PALS2: variants seen among roughly 807,000 people sequenced by gnomAD.
The protein encoded by PALS2 is protein PALS2.
Under a neutral mutation model 61.6 loss-of-function variants are expected in PALS2, and 27 were observed. The observed-to-expected ratio is 0.44, with a 90% CI of 0.32 to 0.60. PALS2 has a LOEUF of 0.60. PALS2 is among the 20% of genes least tolerant of loss of function. The pLI, the probability that PALS2 is intolerant of heterozygous loss-of-function variation, is 0.05. For synonymous variants in PALS2, 236 were observed against 218.6 expected, an observed-to-expected ratio of 1.08 and a Z score of -0.70; for missense variants, 554 against 639.4, an observed-to-expected ratio of 0.87 and a Z score of 1.44.
intron 3 of PALS2, among the ~76,000 whole-genome samples, chr7:24,643,612 A>T (rs757407857): frequency 6.6e-6 from 1 of 152,124 alleles, no homozygotes; most frequent in Non-Finnish European, 1.5e-5. Context: ...GGTGGTTTGT[A>T]CATATAAGTG....
chr7:24,583,604 A>T (rs947327339), intron 1 of PALS2, among the ~76,000 whole-genome samples: 6 of 151,398 alleles, frequency 4.0e-5, no homozygotes, highest in African/African-American at 1.5e-4. Context: ...GGCATTTTTG[A>T]GGATATCTTA....
At position 24,628,317 on chromosome 7, in the gene PALS2, CT is replaced by C. The variant is rs553802912; in HGVS notation, c.117+4534del. On this transcript the variant is annotated intron_variant, in intron 2 of 11. Transcript: ENST00000222644. Reference sequence around the variant, plus strand: ...AAAGGCCTTTGACAAAATTCAGCCCCTCTTCATGCTAAAAACACTCAATAAA... The same window carrying C: ...AAAGGCCTTTGACAAAATTCAGCCCCCTTCATGCTAAAAACACTCAATAAA... Among the ~76,000 whole-genome samples the C allele has an allele frequency of 1.8e-3, 268 of 152,270 alleles. 1 individual carries two copies. The highest frequency in any genetic ancestry group is 6.2e-3 in the African/African-American group (259 of 41,536).
chr7:24,639,919 C>T (rs1410431301), intron 2 of PALS2, among the ~76,000 whole-genome samples: 1 of 148,276 alleles, frequency 6.7e-6, no homozygotes, highest in East Asian at 2.0e-4. Context: ...TGGGTTCAAG[C>T]AATTCTCCTG....
intron 9 of PALS2, among the ~76,000 whole-genome samples, chr7:24,677,481 C>T (rs1326127357): frequency 6.6e-6 from 1 of 151,684 alleles, no homozygotes; most frequent in Non-Finnish European, 1.5e-5. Flanking sequence ...CAGTTTTTGC[C>T]CATTCAGTAT....
chr7:24,575,795 A>C (rs1477643496), intron 1 of PALS2, among the ~76,000 whole-genome samples: 2 of 152,212 alleles, frequency 1.3e-5, no homozygotes, highest in Non-Finnish European at 2.9e-5. Context: ...CCAGAAAATA[A>C]AATTAAAAGA....
rs1446504960 is a variant in PALS2 at position 24,687,452 on chromosome 7, G to T, written c.1461G>T (p.Lys487Asn). The part of the protein sequence containing the change: ...TTKLLTDSDL[K>N]KTVDESARIQ... The stretch of plus-strand genomic sequence containing the variant: ...CTCTTCAACAGGACTCTGACTTGAA[G>T]AAAACAGTGGATGAAAGTGCACGGA... Residue 487 changes from lysine (K) to asparagine (N), a missense_variant, in exon 12 of 12, where the codon AAG becomes AAT. Coordinates refer to ENST00000222644, the MANE Select transcript of PALS2 (RefSeq NM_001303037.2). This position sits in a 1 kb window ranked among gnomAD's most constrained non-coding sequence, Gnocchi z 4.5. 1 of 1,609,218 alleles carries T rather than the reference G, an allele frequency of 6.2e-7. No individual in the cohort carries two copies. The highest frequency in any genetic ancestry group is 1.3e-5 in the African/African-American group (1 of 74,640).
chr7:24,674,066 T>C (rs182628057), intron 9 of PALS2, among the ~76,000 whole-genome samples: 57 of 152,178 alleles, frequency 3.7e-4, no homozygotes, highest in African/African-American at 1.3e-3. Context: ...GACTTTAAAA[T>C]TGTAATCCCG....
chr7:24,683,804 AATTT>A (rs1788057656), intron 11 of PALS2, among the ~76,000 whole-genome samples: 2 of 152,128 alleles, frequency 1.3e-5, no homozygotes, highest in African/African-American at 4.8e-5. Context: ...ATATATCATG[AATTT>A]ATTCTGATAT....
At chr7:24,665,363 C>T (rs942474491) in intron 6 of PALS2, among the ~76,000 whole-genome samples, 2 of 152,120 alleles carry the variant, frequency 1.3e-5, no homozygotes, top group Admixed American at 1.3e-4. Context: ...TTTTGGTCCC[C>T]ACATTTCACT....
Position 24,688,757 on chromosome 7 carries a change from A to C in PALS2, c.*1143A>C, listed in dbSNP as rs1298261543. ...TAATATGTATATTATGTATTATATAATATATATAAAATGTTTTGTATATTT... is the reference window on the plus strand; with the variant it reads ...TAATATGTATATTATGTATTATATACTATATATAAAATGTTTTGTATATTT... On this transcript the variant is annotated 3_prime_UTR_variant, in exon 12 of 12. Transcript: ENST00000222644. 1 of 149,584 alleles carries C rather than the reference A, an allele frequency of 6.7e-6. No homozygotes were observed. The highest frequency in any genetic ancestry group is 1.5e-5 in the Non-Finnish European group (1 of 67,514). 9.3% of individuals were successfully genotyped at this position (149,584 alleles called of 1,614,324 possible).
intron 5 of PALS2, among the ~76,000 whole-genome samples, chr7:24,656,626 A>G (rs900635090): frequency 6.6e-6 from 1 of 152,094 alleles, no homozygotes; most frequent in Admixed American, 6.5e-5. Context: ...GGGCTCAGAT[A>G]ATCCTTCTAC....
intron 1 of PALS2, among the ~76,000 whole-genome samples, chr7:24,594,054 G>A (rs1179961229): frequency 6.6e-6 from 1 of 152,090 alleles, no homozygotes; most frequent in African/African-American, 2.4e-5. Context: ...AATGATCTTA[G>A]CTAGATCTTT....
chr7:24,581,746 C>T (rs886975104), intron 1 of PALS2, among the ~76,000 whole-genome samples: 7 of 152,118 alleles, frequency 4.6e-5, no homozygotes, highest in African/African-American at 7.2e-5. Context: ...AGCCGAGAAA[C>T]GTTATTCTAA....
At chr7:24,579,420 A>G (rs1782754410) in intron 1 of PALS2, among the ~76,000 whole-genome samples, 1 of 152,216 alleles carries the variant, frequency 6.6e-6, no homozygotes, top group Non-Finnish European at 1.5e-5. Flanking sequence ...TGAAAGGGTA[A>G]AAAGTTAATG....
intron 5 of PALS2, among the ~76,000 whole-genome samples, chr7:24,660,577 A>G (rs1443902894): frequency 6.6e-6 from 1 of 152,016 alleles, no homozygotes; most frequent in African/African-American, 2.4e-5. Context: ...TAACGACTAT[A>G]TATAGTGCCA....
chr7:24,575,157 A>T (rs1782597997), intron 1 of PALS2, among the ~76,000 whole-genome samples: 1 of 152,096 alleles, frequency 6.6e-6, no homozygotes, highest in African/African-American at 2.4e-5. Flanking sequence ...TAACACTTTT[A>T]ATTGCTCAAT....
intron 1 of PALS2, among the ~76,000 whole-genome samples, chr7:24,576,025 G>A (rs1034179872): frequency 1.3e-5 from 2 of 151,962 alleles, no homozygotes; most frequent in African/African-American, 4.8e-5. Flanking sequence ...GTGATGTGCT[G>A]ATGTTTATTT....
intron 1 of PALS2, among the ~76,000 whole-genome samples, chr7:24,604,890 A>G (rs947408728): frequency 1.3e-5 from 2 of 152,180 alleles, no homozygotes; most frequent in Non-Finnish European, 2.9e-5. Flanking sequence ...TTCGGTTATC[A>G]CCAACTGAGC....
chr7:24,659,057 T>C (rs1786577278), intron 5 of PALS2, among the ~76,000 whole-genome samples: 1 of 152,206 alleles, frequency 6.6e-6, no homozygotes, highest in Admixed American at 6.5e-5. Context: ...TTTGTGTCGA[T>C]ATGTACTCAA....
Sources: gnomAD v4.1 joint callset for allele counts (sites outside exome capture counted in the v4.1 genomes callset) on GRCh38, gnomAD v4.1.1 for gene constraint, Gnocchi (gnomAD v3.1) non-coding constraint, MANE v1.5 for transcripts, NCBI Gene and HGNC (gene_info 2026-07-23, HGNC 2026-07-21) for gene names.